The following HEXB variants were observed in gnomAD, a reference collection of about 807,000 sequenced individuals.
HEXB encodes the protein beta-hexosaminidase subunit beta.
Under a neutral mutation model 71.2 loss-of-function variants are expected in HEXB, and 51 were observed. The observed-to-expected ratio is 0.72, with a 90% CI of 0.57 to 0.90. The LOEUF (loss-of-function observed/expected upper bound fraction) is 0.90, where lower values mean the gene tolerates loss of function less well. Ranked by LOEUF, HEXB falls within the 40% of genes least tolerant of loss-of-function variation. The probability of loss-of-function intolerance (pLI) is 0.00; values close to 1 mark genes in which losing one functional copy is unlikely to be tolerated. For synonymous variants in HEXB, 266 were observed against 249.3 expected (o/e 1.07, Z -0.63); for missense variants, 617 against 677.0 (o/e 0.91, Z 0.98).
intron 7 of HEXB, among the ~76,000 whole-genome samples, chr5:74,714,496 TGTAAGATATGCTTG>T (rs1749627251): frequency 1.3e-5 from 2 of 152,162 alleles, no homozygotes; most frequent in South Asian, 4.1e-4. Context: ...GTGCAAAAAG[TGTAAGATATGCTTG>T]ACAAGTATGT....
intron 2 of HEXB, among the ~76,000 whole-genome samples, chr5:74,692,598 T>A (rs186954097): frequency 7.2e-5 from 11 of 152,334 alleles, no homozygotes; most frequent in Admixed American, 5.2e-4. Context: ...AGTGTGGTTA[T>A]CTAATGGAAA....
At chr5:74,705,889 G>C (rs1455323749) in intron 6 of HEXB, 1 of 156,522 alleles carries the variant, frequency 6.4e-6, no homozygotes, top group Non-Finnish European at 1.4e-5. Context: ...GATGTGCCTT[G>C]TGTAAAGTTG....
At chr5:74,649,372 G>A (rs966869026) in intron 1 of HEXB, among the ~76,000 whole-genome samples, 2 of 152,208 alleles carry the variant, frequency 1.3e-5, no homozygotes, top group African/African-American at 4.8e-5. Flanking sequence ...GGATGGTCTT[G>A]GAGCTAGTAA....
At chr5:74,702,571 T>C (rs1749289580) in intron 5 of HEXB, among the ~76,000 whole-genome samples, 1 of 152,230 alleles carries the variant, frequency 6.6e-6, no homozygotes, top group African/African-American at 2.4e-5. Flanking sequence ...ATTTCTGGTA[T>C]TGTTCACTTA....
At chr5:74,643,663 A>G (rs2112062971) in intron 1 of HEXB, among the ~76,000 whole-genome samples, 1 of 152,310 alleles carries the variant, frequency 6.6e-6, no homozygotes, top group South Asian at 2.1e-4. Flanking sequence ...CATGCGGTTA[A>G]ATGTATTAGC....
intron 5 of HEXB, among the ~76,000 whole-genome samples, chr5:74,700,474 TA>T (rs546540764): frequency 9.9e-5 from 15 of 151,834 alleles, no homozygotes; most frequent in Middle Eastern, 3.4e-3. Flanking sequence ...TTTTTATATT[TA>T]AAAAAAATTT....
At chr5:74,677,490 C>CTTTTTTTT (rs566302720) in intron 1 of HEXB, among the ~76,000 whole-genome samples, 42 of 77,248 alleles carry the variant, frequency 5.4e-4, no homozygotes, top group African/African-American at 9.9e-4. Flanking sequence ...TCTTCTTCTT[C>CTTTTTTTT]TTTTTTTTTT....
intron 1 of HEXB, chr5:74,640,662 C>G (rs904069115): frequency 6.6e-6 from 1 of 152,424 alleles, no homozygotes; most frequent in African/African-American, 2.4e-5. Flanking sequence ...GGCCGCCAGG[C>G]GTCTGGACCG....
intron 1 of HEXB, 38 bp downstream of exon 1, chr5:74,685,597 G>C (rs749490276): frequency 2.0e-6 from 3 of 1,514,242 alleles, no homozygotes; most frequent in East Asian, 2.3e-5. Context: ...TGTCCTGGGG[G>C]AGGGGAGAGG....
intron 1 of HEXB, among the ~76,000 whole-genome samples, chr5:74,671,742 T>C (rs1748543913): frequency 6.6e-6 from 1 of 152,218 alleles, no homozygotes; most frequent in African/African-American, 2.4e-5. Flanking sequence ...ACTTGCTGAT[T>C]CTTTTCTAAT....
intron 4 of HEXB, 28 bp from the exon 5 acceptor site, chr5:74,696,968 A>C: frequency 8.1e-7 from 1 of 1,233,320 alleles, no homozygotes. Context: ...AAATTCTAAA[A>C]CTAAATCAAA....
chr5:74,664,085 G>A (rs1032245284), intron 1 of HEXB, among the ~76,000 whole-genome samples: 5 of 151,962 alleles, frequency 3.3e-5, no homozygotes, highest in Admixed American at 2.0e-4. Context: ...GTGAAACCCC[G>A]TCTCTACTAA....
At chr5:74,675,257 G>A (rs567229962) in intron 1 of HEXB, among the ~76,000 whole-genome samples, 2 of 152,264 alleles carry the variant, frequency 1.3e-5, no homozygotes, top group African/African-American at 4.8e-5. Flanking sequence ...ATTTAATCAG[G>A]TATCGAGAGC....
intron 1 of HEXB, among the ~76,000 whole-genome samples, chr5:74,654,249 G>T (rs932091915): frequency 1.3e-5 from 2 of 152,086 alleles, no homozygotes; most frequent in Non-Finnish European, 2.9e-5. Context: ...ATGTGCACAC[G>T]AATCACTTGG....
chr5:74,659,841 T>C (rs1748287229), intron 1 of HEXB, among the ~76,000 whole-genome samples: 3 of 152,168 alleles, frequency 2.0e-5, no homozygotes, highest in Admixed American at 2.0e-4. Context: ...ACCTTAAAAC[T>C]TTGCTAAATA....
At chr5:74,708,685 G>T (rs1388199191) in intron 6 of HEXB, among the ~76,000 whole-genome samples, 1 of 151,748 alleles carries the variant, frequency 6.6e-6, no homozygotes, top group Non-Finnish European at 1.5e-5. Flanking sequence ...AAGATCAAAA[G>T]AGACAAAGAA....
intron 1 of HEXB, among the ~76,000 whole-genome samples, chr5:74,647,975 G>A (rs1022131603): frequency 4.6e-5 from 7 of 152,190 alleles, no homozygotes; most frequent in African/African-American, 1.7e-4. Context: ...ATTTGCATTT[G>A]GAAGGTATCT....
At chr5:74,718,731 T>G in intron 10 of HEXB, 66 bp from the exon 11 acceptor site, 1 of 1,491,238 alleles carries the variant, frequency 6.7e-7, no homozygotes. Context: ...AATAATGCCT[T>G]AAACTTTCAA....
chr5:74,697,407 A>G (rs1046108125), intron 5 of HEXB, among the ~76,000 whole-genome samples: 1 of 152,156 alleles, frequency 6.6e-6, no homozygotes, highest in African/African-American at 2.4e-5. Context: ...CATTTGTCAA[A>G]TCATGTGTCT....
Sources: gnomAD v4.1 joint callset for allele counts (sites outside exome capture counted in the v4.1 genomes callset) on GRCh38, gnomAD v4.1.1 for gene constraint, MANE v1.5 for transcripts, NCBI Gene and HGNC (gene_info 2026-07-23, HGNC 2026-07-21) for gene names.